SCN9A: variants seen among roughly 807,000 people sequenced by gnomAD.
SCN9A encodes sodium channel protein type 9 subunit alpha.
SCN9A carries 131 observed loss-of-function variants against 187.0 expected under a neutral mutation model. The observed-to-expected ratio is 0.70, with a 90% CI of 0.61 to 0.81. The LOEUF is 0.81. Among genes scored for constraint, SCN9A ranks in the 30% least tolerant of loss-of-function variants. SCN9A has a pLI of 0.00. For missense variants in SCN9A, 2,252 were observed against 2,396.6 expected (o/e 0.94, Z 1.26); for synonymous variants, 809 against 808.6 (o/e 1.00, Z -0.01).
intron 24 of SCN9A, among the ~76,000 whole-genome samples, chr2:166,222,952 A>AAC (rs1694673409): frequency 4.1e-5 from 5 of 120,552 alleles, no homozygotes; most frequent in East Asian, 2.0e-4. Context: ...CAACAAAAAA[A>AAC]AAAAAAAAAA....
At chr2:166,200,522 G>A (rs1316693515) in intron 26 of SCN9A, among the ~76,000 whole-genome samples, 4 of 149,998 alleles carry the variant, frequency 2.7e-5, no homozygotes, top group South Asian at 4.2e-4. Context: ...CACCTGAAAT[G>A]TCAACAATAA....
Position 166,318,927 on chromosome 2 carries a change from G to A in SCN9A, c.-50-7121C>T, listed in dbSNP as rs188284141. Among the ~76,000 whole-genome samples the A allele has an allele frequency of 4.6e-5, 7 of 152,102 alleles. No homozygotes were observed. In the East Asian group the frequency reaches 1.2e-3, roughly 25 times the overall value. On this transcript the variant is annotated intron_variant, in intron 1 of 26. Coordinates refer to ENST00000642356, the MANE Select transcript of SCN9A (RefSeq NM_001365536.1). ...AGATACAGAATAATCCATGTTGTTC[G>A]ACATTAGTCTCAAGAGAGCAGCAAA...
rs768964485 is a variant in SCN9A, at chr2:166,294,622, A to C, written c.942T>G (p.Leu314=). 4 of 1,611,256 alleles carry C rather than the reference A, an allele frequency of 2.5e-6. No individual in the cohort carries two copies. The Admixed American group carries it at 6.7e-5, about 27-fold the overall frequency. The part of the protein sequence containing the change: ...YYLEGSKDAL[L]CGFSTDSGQC... ...ACCCTGAATCTGTGCTGAAACCACA[A>C]AGGAGAGCATCTTTGGATCCTTCCA... The change falls in exon 8 of 27, where the codon CTT becomes CTG. Residue 314 remains leucine (L), a synonymous_variant. Transcript: ENST00000642356.
intron 20 of SCN9A, among the ~76,000 whole-genome samples, chr2:166,237,526 A>G (rs11902526): frequency 0.092 from 13,924 of 152,138 alleles, 695 homozygotes; most frequent in Middle Eastern, 0.22. Flanking sequence ...ATTGTGTCTC[A>G]TTTTGGTTTT....
chr2:166,360,229 A>T (rs1425255844), intron 1 of SCN9A, among the ~76,000 whole-genome samples: 3 of 145,586 alleles, frequency 2.1e-5, no homozygotes, highest in Non-Finnish European at 4.5e-5. Flanking sequence ...CAAAAAAAAA[A>T]AAAAAAGAAA....
chr2:166,371,804 T>C (rs1700570761), intron 1 of SCN9A, among the ~76,000 whole-genome samples: 2 of 152,142 alleles, frequency 1.3e-5, no homozygotes, highest in African/African-American at 4.8e-5. Context: ...TGCCCTCCAA[T>C]ACAACATCCA....
At chr2:166,306,888 T>C in intron 3 of SCN9A, 68 bp downstream of exon 3, 2 of 847,562 alleles carry the variant, frequency 2.4e-6, no homozygotes, top group East Asian at 2.6e-5. Flanking sequence ...ATAACATCTA[T>C]ATTTGAATAA....
At chr2:166,336,617 C>T (rs544454714) in intron 1 of SCN9A, among the ~76,000 whole-genome samples, 1 of 152,110 alleles carries the variant, frequency 6.6e-6, no homozygotes, top group South Asian at 2.1e-4. Flanking sequence ...GTCCTTAGAA[C>T]TTACTTGCTC....
chr2:166,198,363 T>C lies in SCN9A; in HGVS notation c.*309A>G. The C allele has an allele frequency of 4.2e-6, 1 of 240,782 alleles. No homozygotes were observed. The highest frequency in any genetic ancestry group is 1.0e-4 in the South Asian group (1 of 9,632). 14.9% of individuals were successfully genotyped at this position (240,782 alleles called of 1,614,324 possible). A position where few individuals can be genotyped will look rare whatever the true frequency, so the allele number is the denominator to read the frequency against. ...GACTAATTACAATCCTGTGAAAAGA[T>C]GACAAGGCAGATGTAAAAGTTTTCT... On this transcript the variant is annotated 3_prime_UTR_variant, in exon 27 of 27. Transcript: ENST00000642356.
chr2:166,302,950 C>T, intron 7 of SCN9A, 140 bp downstream of exon 7: 3 of 693,918 alleles, frequency 4.3e-6, no homozygotes, highest in Non-Finnish European at 7.0e-6. Flanking sequence ...TATAACATGA[C>T]CCAAATTCAC....
intron 1 of SCN9A, among the ~76,000 whole-genome samples, chr2:166,375,181 C>T (rs79202357): frequency 2.4e-3 from 360 of 152,214 alleles, no homozygotes; most frequent in African/African-American, 8.1e-3. Context: ...CAGAGCTGTC[C>T]TGTCAATTAT....
At chr2:166,212,533 A>G (rs968567289) in intron 24 of SCN9A, among the ~76,000 whole-genome samples, 7 of 152,214 alleles carry the variant, frequency 4.6e-5, no homozygotes, top group South Asian at 2.1e-4. Context: ...CAGCAACACC[A>G]TAACAGTAGG....
At chr2:166,224,067 C>CT (rs1390971652) in intron 24 of SCN9A, among the ~76,000 whole-genome samples, 2 of 152,074 alleles carry the variant, frequency 1.3e-5, no homozygotes, top group Non-Finnish European at 2.9e-5. Context: ...ATTTTACTTC[C>CT]TGCAGTAGAA....
chr2:166,323,000 T>C lies in SCN9A; in HGVS notation c.-50-11194A>G, dbSNP rs548256739. 1.6e-4 allele frequency among the ~76,000 whole-genome samples: 24 copies of C among 152,334 alleles called. 1 individual carries two copies. Among genetic ancestry groups the C allele is most frequent in the African/African-American group, 5.8e-4 (24 of 41,592 alleles). ...TTGATTGCTCAAAGGATTGGGTCAC[T>C]GCAGAATTTCCTTTCTTAAGAAAAT... is the stretch of plus-strand genomic sequence containing the variant. On this transcript the variant is annotated intron_variant, in intron 1 of 26. Transcript: ENST00000642356.
intron 19 of SCN9A, 53 bp from the exon 20 acceptor site, chr2:166,238,320 CA>C: frequency 8.4e-7 from 1 of 1,189,928 alleles, no homozygotes; most frequent in Non-Finnish European, 1.2e-6. Flanking sequence ...CTTCATGATT[CA>C]TTTAAAAAAA....
chr2:166,332,866 A>T (rs2105266703), intron 1 of SCN9A, among the ~76,000 whole-genome samples: 1 of 152,026 alleles, frequency 6.6e-6, no homozygotes, highest in East Asian at 1.9e-4. Context: ...TAAGCCTTCC[A>T]TAAGCAACCT....
chr2:166,372,532 T>C (rs1224523339), intron 1 of SCN9A, among the ~76,000 whole-genome samples: 3 of 152,156 alleles, frequency 2.0e-5, no homozygotes, highest in Non-Finnish European at 2.9e-5. Flanking sequence ...GCAATCCAAT[T>C]TTTTCTTAAA....
intron 5 of SCN9A, 140 bp downstream of exon 5, chr2:166,305,652 T>C (rs866130157): frequency 8.7e-7 from 1 of 1,143,058 alleles, no homozygotes; most frequent in Middle Eastern, 2.0e-4. Flanking sequence ...AATGACTAGC[T>C]TTCATATAGC....
chr2:166,363,660 T>C (rs1238937617), intron 1 of SCN9A, among the ~76,000 whole-genome samples: 1 of 152,008 alleles, frequency 6.6e-6, no homozygotes. Flanking sequence ...CTGGAAACTC[T>C]CTTAGAGTCT....
Sources: allele counts gnomAD v4.1 joint callset (sites outside exome capture counted in the v4.1 genomes callset), GRCh38; gene constraint gnomAD v4.1.1; transcripts MANE v1.5; gene names NCBI Gene and HGNC (gene_info 2026-07-23, HGNC 2026-07-21).